Variants in RYR1 observed in about 807,000 individuals in gnomAD.
RYR1 encodes central core disease of muscle.
Under a neutral mutation model 583.5 loss-of-function variants are expected in RYR1, and 342 were observed. The observed-to-expected ratio is 0.59, with a 90% CI of 0.54 to 0.64. RYR1 has a LOEUF of 0.64. Among genes scored for constraint, RYR1 ranks in the 30% least tolerant of loss-of-function variants. The pLI, the probability that RYR1 is intolerant of heterozygous loss-of-function variation, is 0.00. For missense variants in RYR1, 6,032 were observed against 6,917.2 expected (o/e 0.87, Z 4.54); for synonymous variants, 2,791 against 2,822.5 (o/e 0.99, Z 0.35).
At position 38,466,336 on chromosome 19, in the gene RYR1, G is replaced by C. The variant is rs1396808794; in HGVS notation, c.3116G>C (p.Cys1039Ser). Residue 1039 changes from cysteine (C) to serine (S), a missense_variant, in exon 24 of 106, where the codon TGC becomes TCC. This residue lies in a region of RYR1 where 2,627 missense variants were observed against 2,961.3 expected (regional missense o/e 0.89). Coordinates refer to ENST00000359596, the MANE Select transcript of RYR1 (RefSeq NM_000540.3). ...ATKRSNRDSLCQAVRTLLGYG... is the reference protein window; with the variant it reads ...ATKRSNRDSLSQAVRTLLGYG... ...AAGCGCAGCAACCGGGACAGCCTCT[G>C]CCAGGCCGTGCGCACCCTCCTGGGC... 2.5e-6 allele frequency: 4 copies of C among 1,597,930 alleles called. No homozygotes were observed. In the South Asian group the frequency reaches 3.4e-5, roughly 13 times the overall value.
chr19:38,528,861 G>GA (rs1374665433), intron 75 of RYR1, 90 bp from the exon 76 acceptor site: 603 of 1,496,322 alleles, frequency 4.0e-4, no homozygotes, highest in South Asian at 7.1e-4. Context: ...TGGGAAAAGA[G>GA]AAAAAAAAAT....
intron 67 of RYR1, 34 bp from the exon 68 acceptor site, chr19:38,522,994 A>C (rs1600910725): frequency 4.7e-6 from 7 of 1,489,724 alleles, no homozygotes; most frequent in East Asian, 2.5e-5. Context: ...TGGGATCCCC[A>C]CCCCCTCCCT....
chr19:38,555,377 G>A, intron 89 of RYR1, among the ~76,000 whole-genome samples: 1 of 151,212 alleles, frequency 6.6e-6, no homozygotes. Context: ...GAGAAGTTGA[G>A]GTCGCAGTGA....
At chr19:38,470,166 CAAAA>C (rs543598381) in intron 27 of RYR1, among the ~76,000 whole-genome samples, 1 of 113,730 alleles carries the variant, frequency 8.8e-6, no homozygotes. Context: ...AACTCCATCT[CAAAA>C]AAAAAAAAAA....
In RYR1 at chr19:38,441,574, G is replaced by C. The variant is rs544835397; in HGVS notation, c.165+710G>C. 1.3e-3 allele frequency among the ~76,000 whole-genome samples: 192 copies of C among 151,598 alleles called. 1 individual carries two copies. Among genetic ancestry groups the C allele is most frequent in the Middle Eastern group, 3.4e-3 (1 of 292 alleles). The stretch of plus-strand genomic sequence containing the variant: ...TGAGAGGGCAGGGGATCGAGGGGCC[G>C]AGGGCCTTGGATCCAAGGCAAAGGG... On this transcript the variant is annotated intron_variant, in intron 2 of 105. Coordinates refer to ENST00000359596, the MANE Select transcript of RYR1 (RefSeq NM_000540.3).
In RYR1 at chr19:38,448,798, C is replaced by T. The variant is rs764461690; in HGVS notation, c.1107C>T (p.Gly369=). The change falls in exon 11 of 106, where the codon GGC becomes GGT. Residue 369 remains glycine, a synonymous_variant. Transcript: ENST00000359596. ...CAGACCCCAAGGCCCTGCGGCTCGG[C>T]GTGCTCAAGAAGAAGGTGGGTGTAA... ...AAPDPKALRL[G]VLKKKAMLHQ... 9 of 1,613,806 alleles carry T rather than the reference C, an allele frequency of 5.6e-6. No individual in the cohort carries two copies. Among genetic ancestry groups the T allele is most frequent in the African/African-American group, 1.3e-5 (1 of 74,910 alleles).
rs758478377 is a variant in RYR1 at position 38,516,231 on chromosome 19, G to C, written c.9685+14G>C. 1.9e-6 allele frequency: 3 copies of C among 1,583,382 alleles called. No homozygotes were observed. The highest frequency in any genetic ancestry group is 1.8e-5 in the Admixed American group (1 of 55,708). On this transcript the variant is annotated intron_variant, in intron 65 of 105. Transcript: ENST00000359596. ...GGGAGCGGGCCAGTAAGCTGTGTGG[G>C]GCGGGAGCAGTGCTGGGAGTCCAAA...
rs1321578541 is a variant in RYR1 at position 38,494,850 on chromosome 19, CCCCT to C, written c.6548+226_6548+229del. ...CTCTCAGCAGGACATTCCCCACCCC[CCCCT>C]TTTTTTTTTTTTTTGTGAGACTGAG... On this transcript the variant is annotated intron_variant, in intron 39 of 105. Transcript: ENST00000359596. Among the ~76,000 whole-genome samples the C allele has an allele frequency of 1.1e-4, 15 of 142,492 alleles. No individual in the cohort carries two copies. In the South Asian group the frequency reaches 2.7e-3, roughly 26 times the overall value. The allele number at this position is 142,492 out of a possible 152,430, so 93.5% of individuals were successfully genotyped here.
chr19:38,439,038 CTT>C (rs1436435784), intron 1 of RYR1, among the ~76,000 whole-genome samples: 5 of 152,026 alleles, frequency 3.3e-5, no homozygotes, highest in Non-Finnish European at 5.9e-5. Context: ...TCTTCATTGA[CTT>C]TATTCACTGC....
intron 7 of RYR1, among the ~76,000 whole-genome samples, chr19:38,445,799 G>A (rs898455105): frequency 2.0e-5 from 3 of 152,080 alleles, no homozygotes; most frequent in Non-Finnish European, 2.9e-5. Context: ...GACCAGCCTG[G>A]GCCAACATGG....
At chr19:38,584,730 G>A (rs1318317047) in intron 101 of RYR1, among the ~76,000 whole-genome samples, 2 of 145,962 alleles carry the variant, frequency 1.4e-5, no homozygotes, top group East Asian at 2.0e-4. Context: ...ACCCAACCTG[G>A]CCCTCACCCC....
At chr19:38,437,588 G>A (rs923765693) in intron 1 of RYR1, among the ~76,000 whole-genome samples, 5 of 152,080 alleles carry the variant, frequency 3.3e-5, no homozygotes, top group Non-Finnish European at 5.9e-5. Context: ...GCTGAAGCAG[G>A]ACGATTGCTT....
intron 66 of RYR1, 49 bp from the exon 67 acceptor site, chr19:38,519,165 C>G (rs1283800467): frequency 4.3e-6 from 7 of 1,613,452 alleles, no homozygotes; most frequent in Non-Finnish European, 5.9e-6. Flanking sequence ...GAGTTTGGGG[C>G]CTGTGTCAGA....
rs567084532 is a variant in RYR1 at position 38,457,614 on chromosome 19, A to G, written c.1909A>G (p.Ile637Val). 136 of 1,614,134 alleles carry G rather than the reference A, an allele frequency of 8.4e-5. 4 individuals carry two copies. In the South Asian group the frequency reaches 1.3e-3, roughly 15 times the overall value. ...TGAGCTTCTGCTGCAGACAAACCTCATCAACTATGTCACCAGGTCTGGCTC... is the reference window on the plus strand; with the variant it reads ...TGAGCTTCTGCTGCAGACAAACCTCGTCAACTATGTCACCAGGTCTGGCTC... ...GRELLLQTNL[I>V]NYVTSIRPNI... is the part of the protein sequence containing the mutation. Residue 637 changes from isoleucine (I) to valine (V), a missense_variant, in exon 17 of 106, where the codon ATC becomes GTC. Around this residue, in one of 11 missense-constraint regions of RYR1, gnomAD observed 2,627 missense variants for 2,961.3 expected, o/e 0.89. Transcript: ENST00000359596.
chr19:38,463,318 T>G, intron 20 of RYR1, 105 bp from the exon 21 acceptor site: 1 of 890,726 alleles, frequency 1.1e-6, no homozygotes, highest in African/African-American at 1.7e-5. Context: ...GGAAAGGGGG[T>G]GCTGGAGGAG....
rs149846689 is a variant in RYR1, at chr19:38,450,546, G to A, written c.1123-1218G>A. On this transcript the variant is annotated intron_variant, in intron 11 of 105. Transcript: ENST00000359596. The stretch of plus-strand genomic sequence containing the variant: ...TGCAGAGAAGGGTCCCAGAAAAATG[G>A]GTTGAAATGCAGGGGGTTCCATGGT... Among the ~76,000 whole-genome samples, 145 of 152,190 alleles carry A rather than the reference G, an allele frequency of 9.5e-4. 1 individual carries two copies. The highest frequency in any genetic ancestry group is 2.9e-3 in the African/African-American group (121 of 41,528).
At position 38,501,457 on chromosome 19, in the gene RYR1, C is replaced by T. The variant is rs538382919; in HGVS notation, c.7614+467C>T. On this transcript the variant is annotated intron_variant, in intron 47 of 105. Transcript: ENST00000359596. The stretch of plus-strand genomic sequence containing the variant: ...AGGTTGCAGTGAGCCGAGATCGTGC[C>T]GCTGCACTCCCGCCTGGCAATGGAG... 7.9e-5 allele frequency among the ~76,000 whole-genome samples: 12 copies of T among 152,276 alleles called. No individual in the cohort carries two copies. The South Asian group carries it at 1.0e-3, about 13-fold the overall frequency.
Position 38,512,052 on chromosome 19 carries a change from G to A in RYR1, c.9173-20G>A, listed in dbSNP as rs376182254. On this transcript the variant is annotated intron_variant, in intron 61 of 105. Transcript: ENST00000359596. This position sits in a 1 kb window ranked among gnomAD's most constrained non-coding sequence, Gnocchi z 5.1. ...GTCCTCTTAGCCATGGCATCCCCCC[G>A]GCCCATCTTCCTCTCCCAGGGACAG... is the stretch of plus-strand genomic sequence containing the variant. The A allele has an allele frequency of 2.5e-5, 40 of 1,612,812 alleles. No individual in the cohort carries two copies. The highest frequency in any genetic ancestry group is 5.3e-5 in the African/African-American group (4 of 74,864).
At position 38,483,222 on chromosome 19, in the gene RYR1, C is replaced by T; in HGVS notation, c.4708-68C>T. The T allele has an allele frequency of 6.3e-7, 1 of 1,585,852 alleles. No homozygotes were observed. Among genetic ancestry groups the T allele is most frequent in the Non-Finnish European group, 8.6e-7 (1 of 1,162,156 alleles). On this transcript the variant is annotated intron_variant, in intron 32 of 105. Transcript: ENST00000359596. The surrounding 1 kb of genome is among the most constrained non-coding windows in gnomAD (Gnocchi z 6.3). ...GGGAGGGGGCAATCCAAGAGGTCTC[C>T]CTGGAAGTGGTGTGGTGGGACAGAG...
Sources: allele counts gnomAD v4.1 joint callset (sites outside exome capture counted in the v4.1 genomes callset), GRCh38; gene constraint gnomAD v4.1.1; regional missense constraint gnomAD v4.1.1; non-coding constraint Gnocchi (gnomAD v3.1); transcripts MANE v1.5; gene names NCBI Gene and HGNC (gene_info 2026-07-23, HGNC 2026-07-21).